Variants in TMEM178B observed in about 807,000 individuals in gnomAD.
The protein encoded by TMEM178B is transmembrane protein 178B.
A neutral mutation model predicts 31.0 loss-of-function variants in TMEM178B; 5 were observed. The observed-to-expected ratio is 0.16, with a 90% CI of 0.08 to 0.34. The LOEUF is 0.34. Ranked by LOEUF, TMEM178B falls within the 10% of genes least tolerant of loss-of-function variation. TMEM178B has a pLI of 1.00. For missense variants in TMEM178B, 275 were observed against 400.3 expected (o/e 0.69, Z 2.67); for synonymous variants, 164 against 164.0 (o/e 1.00, Z 0.00).
chr7:141,195,427 T>C (rs1796766164), intron 1 of TMEM178B, among the ~76,000 whole-genome samples: 1 of 152,196 alleles, frequency 6.6e-6, no homozygotes, highest in Non-Finnish European at 1.5e-5. Flanking sequence ...TGCCAGTCTC[T>C]TTGCTAAAAC....
intron 2 of TMEM178B, among the ~76,000 whole-genome samples, chr7:141,242,426 T>A (rs564715635): frequency 2.6e-5 from 4 of 151,816 alleles, no homozygotes; most frequent in Admixed American, 6.6e-5. Flanking sequence ...CAGAACTGCA[T>A]AGTGATTTCC....
downstream of TMEM178B, chr7:141,480,475 A>G (rs1406377767): frequency 6.6e-6 from 1 of 152,248 alleles, no homozygotes; most frequent in Non-Finnish European, 1.5e-5. Flanking sequence ...GGTTCTGTAT[A>G]GAAAAAAAGT....
intron 2 of TMEM178B, among the ~76,000 whole-genome samples, chr7:141,249,381 C>T (rs1797792435): frequency 1.3e-5 from 2 of 152,164 alleles, no homozygotes; most frequent in Admixed American, 6.5e-5. Flanking sequence ...ATCCATTAAA[C>T]CTCTTTTTCT....
the TMEM178B span, among the ~76,000 whole-genome samples, chr7:141,503,709 A>G: frequency 2.0e-5 from 3 of 152,174 alleles, no homozygotes; most frequent in Non-Finnish European, 4.4e-5. Flanking sequence ...TAGGGAATAA[A>G]ATATTTGCTA....
Position 141,106,733 on chromosome 7 carries a change from A to G in TMEM178B, c.382+32041A>G, listed in dbSNP as rs140133618. On this transcript the variant is annotated intron_variant, in intron 1 of 3. Coordinates refer to ENST00000565468, the MANE Select transcript of TMEM178B (RefSeq NM_001195278.2). ...ATCATCACCATCTTCACTCCTGGAT[A>G]AACTATGTATATTCTAATTGTTACT... Among the ~76,000 whole-genome samples, 196 of 152,332 alleles carry G rather than the reference A, an allele frequency of 1.3e-3. 1 individual carries two copies. Among genetic ancestry groups the G allele is most frequent in the African/African-American group, 4.2e-3 (175 of 41,566 alleles).
At chr7:141,255,688 C>T (rs766522568) in intron 2 of TMEM178B, among the ~76,000 whole-genome samples, 3 of 151,690 alleles carry the variant, frequency 2.0e-5, no homozygotes, top group African/African-American at 4.8e-5. Context: ...AATCCTGTAC[C>T]GATATGAATC....
downstream of TMEM178B, among the ~76,000 whole-genome samples, chr7:141,484,084 C>T (rs1174759208): frequency 1.3e-5 from 2 of 152,124 alleles, no homozygotes; most frequent in Non-Finnish European, 2.9e-5. This position sits in a 1 kb window ranked among gnomAD's most constrained non-coding sequence, Gnocchi z 4.8. Flanking sequence ...GTGTCCCACA[C>T]GTACCCCACT....
intron 1 of TMEM178B, among the ~76,000 whole-genome samples, chr7:141,204,074 A>G (rs1435300227): frequency 6.6e-6 from 1 of 152,234 alleles, no homozygotes; most frequent in Non-Finnish European, 1.5e-5. Context: ...TTTTTCAAGC[A>G]TGTAAACCTG....
chr7:141,133,711 A>G (rs573781261), intron 1 of TMEM178B, among the ~76,000 whole-genome samples: 1 of 152,380 alleles, frequency 6.6e-6, no homozygotes, highest in Non-Finnish European at 1.5e-5. Context: ...CAAGAGATAT[A>G]GACAACCAGG....
intron 2 of TMEM178B, among the ~76,000 whole-genome samples, chr7:141,266,039 C>T (rs1195660507): frequency 6.6e-6 from 1 of 152,236 alleles, no homozygotes; most frequent in Non-Finnish European, 1.5e-5. Context: ...CCTGCTTCAT[C>T]ATCTAGCCCA....
chr7:141,473,987 T>A lies in TMEM178B; in HGVS notation c.*3201T>A, dbSNP rs539481316. 1 of 152,314 alleles carries A rather than the reference T, an allele frequency of 6.6e-6. No individual in the cohort carries two copies. Among genetic ancestry groups the A allele is most frequent in the South Asian group, 2.1e-4 (1 of 4,826 alleles). 9.4% of individuals were successfully genotyped at this position (152,314 alleles called of 1,614,324 possible). A position where few individuals can be genotyped will look rare whatever the true frequency, so the allele number is the denominator to read the frequency against. The stretch of plus-strand genomic sequence containing the variant: ...ACTTGTGAGGCTCTGTAGGTCAGAC[T>A]CTGCTAACTCCAAATCAAAGTGGAA... On this transcript the variant is annotated 3_prime_UTR_variant, in exon 4 of 4. Coordinates refer to ENST00000565468, the MANE Select transcript of TMEM178B (RefSeq NM_001195278.2).
At chr7:141,298,259 C>T (rs2116435750) in intron 2 of TMEM178B, among the ~76,000 whole-genome samples, 1 of 152,160 alleles carries the variant, frequency 6.6e-6, no homozygotes, top group African/African-American at 2.4e-5. Flanking sequence ...GGATATTAGT[C>T]CTTTGTCAGA....
intron 1 of TMEM178B, among the ~76,000 whole-genome samples, chr7:141,203,769 T>C (rs184148712): frequency 1.3e-5 from 2 of 152,258 alleles, no homozygotes; most frequent in Admixed American, 1.3e-4. Context: ...CTTCCTGAGG[T>C]TGTCATGGGG....
chr7:141,106,987 G>A (rs1399525009), intron 1 of TMEM178B, among the ~76,000 whole-genome samples: 2 of 152,218 alleles, frequency 1.3e-5, no homozygotes, highest in East Asian at 3.9e-4. Flanking sequence ...AACATGGGGA[G>A]TGTGAAGTTG....
At chr7:141,404,704 T>G (rs1003880660) in intron 2 of TMEM178B, among the ~76,000 whole-genome samples, 1 of 152,256 alleles carries the variant, frequency 6.6e-6, no homozygotes, top group Non-Finnish European at 1.5e-5. Context: ...TAAGGTCACA[T>G]TCATAGGCAC....
chr7:141,271,670 A>T (rs1481200956), intron 2 of TMEM178B, among the ~76,000 whole-genome samples: 4 of 152,180 alleles, frequency 2.6e-5, no homozygotes, highest in African/African-American at 9.7e-5. Flanking sequence ...TCCAGCGTTG[A>T]GCTCAACTCA....
At chr7:141,500,317 T>C in the TMEM178B span, among the ~76,000 whole-genome samples, 1 of 152,048 alleles carries the variant, frequency 6.6e-6, no homozygotes, top group Non-Finnish European at 1.5e-5. Flanking sequence ...TACTGCAGGG[T>C]AGGAGCATAA....
At chr7:141,118,586 G>T (rs978936688) in intron 1 of TMEM178B, among the ~76,000 whole-genome samples, 1 of 152,188 alleles carries the variant, frequency 6.6e-6, no homozygotes, top group Non-Finnish European at 1.5e-5. Flanking sequence ...CCCCAGGGGG[G>T]AAGCTCTGGG....
intron 2 of TMEM178B, among the ~76,000 whole-genome samples, chr7:141,238,569 G>T (rs1371464404): frequency 6.6e-6 from 1 of 152,186 alleles, no homozygotes; most frequent in African/African-American, 2.4e-5. Context: ...ATGCTTCAGA[G>T]AAGAAGAGAA....
Sources: gnomAD v4.1 joint callset for allele counts (sites outside exome capture counted in the v4.1 genomes callset) on GRCh38, gnomAD v4.1.1 for gene constraint, Gnocchi (gnomAD v3.1) non-coding constraint, MANE v1.5 for transcripts, NCBI Gene and HGNC (gene_info 2026-07-23, HGNC 2026-07-21) for gene names.